Variants in DIP2B observed in about 807,000 individuals in gnomAD.
DIP2B encodes the protein DIP2 acetate--CoA ligase B (putative).
DIP2B carries 76 observed loss-of-function variants against 198.0 expected under a neutral mutation model. The ratio of observed to expected loss-of-function variants is 0.38; its 90% confidence interval spans 0.32 to 0.46. DIP2B has a LOEUF of 0.46. Ranked by LOEUF, DIP2B falls within the 20% of genes least tolerant of loss-of-function variation. The pLI is 0.99. For missense variants in DIP2B, 1,559 were observed against 1,978.4 expected (o/e 0.79, Z 4.02); for synonymous variants, 701 against 739.1 (o/e 0.95, Z 0.84).
intron 1 of DIP2B, among the ~76,000 whole-genome samples, chr12:50,589,330 G>A (rs1408373329): frequency 1.3e-5 from 2 of 148,856 alleles, no homozygotes; most frequent in Non-Finnish European, 1.5e-5. Context: ...AAGTAACTGG[G>A]ATTATAGGTG....
intron 1 of DIP2B, among the ~76,000 whole-genome samples, chr12:50,607,609 G>T (rs75257377): frequency 0.13 from 19,418 of 152,102 alleles, 2,409 homozygotes; most frequent in East Asian, 0.36. Flanking sequence ...CTAAGGTCAG[G>T]GTTTTTGTTC....
chr12:50,744,412 C>T (rs1202349672), intron 37 of DIP2B, among the ~76,000 whole-genome samples, 175 bp from the exon 38 acceptor site: 2 of 152,170 alleles, frequency 1.3e-5, no homozygotes, highest in East Asian at 1.9e-4. Context: ...TATAATTTTT[C>T]CCTCAGTCTT....
At position 50,616,828 on chromosome 12, in the gene DIP2B, A is replaced by G. The variant is rs185803270; in HGVS notation, c.101-9148A>G. On this transcript the variant is annotated intron_variant, in intron 1 of 37. Transcript: ENST00000301180. ...GAAGAGAACATGATAAAATATAATA[A>G]TGAAATTTTTGTCTTCTAGCCAGCT... Among the ~76,000 whole-genome samples the G allele has an allele frequency of 1.3e-3, 192 of 152,362 alleles. 1 individual carries two copies. The highest frequency in any genetic ancestry group is 4.4e-3 in the African/African-American group (182 of 41,594).
At chr12:50,691,026 A>G (rs779028234) in intron 12 of DIP2B, 23 bp from the exon 13 acceptor site, 2 of 1,598,790 alleles carry the variant, frequency 1.3e-6, no homozygotes, top group Non-Finnish European at 1.7e-6. Flanking sequence ...TGTGTTTCTT[A>G]TGTTTCTGTT....
In DIP2B at chr12:50,704,181, G is replaced by A. The variant is rs554657164; in HGVS notation, c.2367G>A (p.Val789=). The part of the protein sequence containing the change: ...VNSAGSPVGD[V]PFIRSGLLGF... ...CTGCAGGCTCTCCTGTTGGGGATGT[G>A]CCATTCATCCGATCAGGATTGCTGG... The change falls in exon 20 of 38, where the codon GTG becomes GTA. Residue 789 remains valine, a synonymous_variant. Transcript: ENST00000301180. 1 of 1,611,430 alleles carries A rather than the reference G, an allele frequency of 6.2e-7. No homozygotes were observed. The highest frequency in any genetic ancestry group is 1.3e-5 in the African/African-American group (1 of 74,972).
intron 1 of DIP2B, among the ~76,000 whole-genome samples, chr12:50,522,610 C>T (rs1417262974): frequency 1.3e-5 from 2 of 152,132 alleles, no homozygotes; most frequent in African/African-American, 4.8e-5. Context: ...CAGATAGTGG[C>T]CCTGGCTGGG....
intron 1 of DIP2B, among the ~76,000 whole-genome samples, chr12:50,579,730 T>A (rs1958706331): frequency 4.8e-5 from 6 of 125,068 alleles, no homozygotes; most frequent in Admixed American, 9.2e-5. Flanking sequence ...CATAGCTTCA[T>A]GGACCCCTGT....
Position 50,697,185 on chromosome 12 carries a change from A to T in DIP2B, c.2048+10A>T. The stretch of plus-strand genomic sequence containing the variant: ...CTGTAGCAATCCGCAGGTACTGTTC[A>T]GGATGTCAGATGCTCTTGATGTATG... On this transcript the variant is annotated intron_variant, in intron 17 of 37. Coordinates refer to ENST00000301180, the MANE Select transcript of DIP2B (RefSeq NM_173602.3). 6.2e-7 allele frequency: 1 copy of T among 1,611,694 alleles called. No homozygotes were observed. The highest frequency in any genetic ancestry group is 1.7e-5 in the Admixed American group (1 of 59,810).
chr12:50,562,820 ATG>A (rs1022791943), intron 1 of DIP2B, among the ~76,000 whole-genome samples: 3 of 151,970 alleles, frequency 2.0e-5, no homozygotes, highest in Non-Finnish European at 4.4e-5. Context: ...TGTGGCTGTG[ATG>A]TGTGTTTGTG....
At chr12:50,523,684 C>A (rs1243848685) in intron 1 of DIP2B, among the ~76,000 whole-genome samples, 12 of 152,174 alleles carry the variant, frequency 7.9e-5, no homozygotes, top group African/African-American at 2.7e-4. Flanking sequence ...GTATTCAAAG[C>A]AGTATGGTAT....
chr12:50,659,449 A>G (rs1304921493), intron 3 of DIP2B, among the ~76,000 whole-genome samples: 2 of 151,602 alleles, frequency 1.3e-5, no homozygotes, highest in African/African-American at 4.8e-5. Flanking sequence ...CTCAGCTGTT[A>G]TCTACCTCAG....
intron 1 of DIP2B, among the ~76,000 whole-genome samples, chr12:50,531,723 C>G (rs1043255017): frequency 3.9e-5 from 6 of 152,050 alleles, no homozygotes; most frequent in Admixed American, 2.0e-4. Context: ...CAAGCCTGGC[C>G]GTGTGAGGTG....
intron 3 of DIP2B, among the ~76,000 whole-genome samples, chr12:50,646,147 G>A (rs1378050447): frequency 2.6e-5 from 4 of 150,954 alleles, no homozygotes; most frequent in African/African-American, 7.3e-5. Flanking sequence ...TTTTTGAGAC[G>A]GAGTCTCACT....
chr12:50,538,219 TAAG>T (rs553204154), intron 1 of DIP2B, among the ~76,000 whole-genome samples: 71 of 152,042 alleles, frequency 4.7e-4, no homozygotes, highest in South Asian at 2.1e-4. Flanking sequence ...CCTTCTCTAA[TAAG>T]AAGAAGAGGA....
chr12:50,665,664 G>A (rs1218548913), intron 4 of DIP2B, among the ~76,000 whole-genome samples: 2 of 151,780 alleles, frequency 1.3e-5, no homozygotes, highest in South Asian at 4.2e-4. Flanking sequence ...GTGTGCCTGT[G>A]GTTGTAGCCA....
intron 1 of DIP2B, among the ~76,000 whole-genome samples, chr12:50,596,184 GTA>G (rs1360841383): frequency 6.6e-6 from 1 of 152,188 alleles, no homozygotes; most frequent in Non-Finnish European, 1.5e-5. Flanking sequence ...AGTAAACTTA[GTA>G]TATCGAAAGG....
At position 50,569,910 on chromosome 12, in the gene DIP2B, T is replaced by A. The variant is rs973852104; in HGVS notation, c.101-56066T>A. On this transcript the variant is annotated intron_variant, in intron 1 of 37. Transcript: ENST00000301180. The stretch of plus-strand genomic sequence containing the variant: ...TTATATTTATTGTAAAACTAATAAG[T>A]CTAAAACCCATCTAACTTCCAAGAT... Among the ~76,000 whole-genome samples, 10 of 152,234 alleles carry A rather than the reference T, an allele frequency of 6.6e-5. 1 individual carries two copies. Among genetic ancestry groups the A allele is most frequent in the Admixed American group, 6.5e-4 (10 of 15,276 alleles).
chr12:50,579,733 A>C (rs1958706461), intron 1 of DIP2B, among the ~76,000 whole-genome samples: 7 of 128,204 alleles, frequency 5.5e-5, no homozygotes, highest in Admixed American at 8.8e-5. Flanking sequence ...AGCTTCATGG[A>C]CCCCTGTAAT....
intron 3 of DIP2B, among the ~76,000 whole-genome samples, chr12:50,645,290 A>T (rs1344440259): frequency 1.3e-5 from 2 of 152,200 alleles, no homozygotes. Flanking sequence ...CATTTTATAT[A>T]AACAGTCGTG....
Sources: allele counts gnomAD v4.1 joint callset (sites outside exome capture counted in the v4.1 genomes callset), GRCh38; gene constraint gnomAD v4.1.1; transcripts MANE v1.5; gene names NCBI Gene and HGNC (gene_info 2026-07-23, HGNC 2026-07-21).